AQP10: variants seen among roughly 807,000 people sequenced by gnomAD.
The protein encoded by AQP10 is aquaporin-10.
In AQP10, 15 loss-of-function variants were observed where a neutral mutation model predicts 21.0. The ratio of observed to expected loss-of-function variants is 0.71; its 90% CI spans 0.48 to 1.10. The LOEUF is 1.10. Among genes scored for constraint, AQP10 ranks in the 50% least tolerant of loss-of-function variants. The pLI is 0.00. For synonymous variants in AQP10, 143 were observed against 155.7 expected (o/e 0.92, Z 0.61); for missense variants, 268 against 379.5 (o/e 0.71, Z 2.44).
intron 1 of AQP10, among the ~76,000 whole-genome samples, 154 bp downstream of exon 1, chr1:154,321,414 C>A (rs1278814218): frequency 6.6e-6 from 1 of 152,120 alleles, no homozygotes; most frequent in East Asian, 1.9e-4. Flanking sequence ...ATCTCCTTTC[C>A]TCTCCTACTT....
chr1:154,321,787 T>C (rs539291401), intron 1 of AQP10, 146 bp from the exon 2 acceptor site: 7 of 1,049,580 alleles, frequency 6.7e-6, no homozygotes, highest in Middle Eastern at 3.2e-4. Context: ...TCCCCATTTC[T>C]TTTCCCTTCC....
chr1:154,322,491 T>TCTTC lies in AQP10; in HGVS notation c.232+432_232+433insCTTC, dbSNP rs1553294330. 5.7e-3 allele frequency among the ~76,000 whole-genome samples: 516 copies of TCTTC among 90,312 alleles called. 3 individuals are homozygous for TCTTC. The highest frequency in any genetic ancestry group is 0.021 in the African/African-American group (475 of 22,814). 59.2% of individuals were successfully genotyped at this position (90,312 alleles called of 152,430 possible). A position where few individuals can be genotyped will look rare whatever the true frequency, so the allele number is the denominator to read the frequency against. ...CTTTGGATTCACAGTGTCTTCTTCT[T>TCTTC]TTTTTTTTTTTTTTTTCTTTTTTTT... On this transcript the variant is annotated intron_variant, in intron 2 of 5. Coordinates refer to ENST00000324978, the MANE Select transcript of AQP10 (RefSeq NM_080429.3).
chr1:154,323,811 G>A lies in AQP10; in HGVS notation c.707+5G>A. The stretch of plus-strand genomic sequence containing the variant: ...CTGGGGTCCTGAAGTCTTCAGGTGG[G>A]AGACAGACTCTCCTGGTGCTGGCCT... On this transcript the variant is annotated splice_donor_5th_base_variant and intron_variant, in intron 5 of 5. Transcript: ENST00000324978. This position sits in a 1 kb window ranked among gnomAD's most constrained non-coding sequence, Gnocchi z 4.5. The A allele has an allele frequency of 6.2e-7, 1 of 1,613,680 alleles. No individual in the cohort carries two copies. Among genetic ancestry groups the A allele is most frequent in the Non-Finnish European group, 8.5e-7 (1 of 1,179,746 alleles).
In AQP10 at chr1:154,323,516, A is replaced by G. The variant is rs1441981856; in HGVS notation, c.490-73A>G. On this transcript the variant is annotated intron_variant, in intron 4 of 5. Coordinates refer to ENST00000324978, the MANE Select transcript of AQP10 (RefSeq NM_080429.3). The surrounding 1 kb of genome is among the most constrained non-coding windows in gnomAD (Gnocchi z 4.5). ...GTTGCACAAAGCCAGATGACATGGA[A>G]TATTTGGATGAGAGAGGGCAGATGG... is the stretch of plus-strand genomic sequence containing the variant. 1 of 1,549,856 alleles carries G rather than the reference A, an allele frequency of 6.5e-7. No individual in the cohort carries two copies. Among genetic ancestry groups the G allele is most frequent in the African/African-American group, 1.4e-5 (1 of 73,608 alleles).
chr1:154,323,899 G>T lies in AQP10; in HGVS notation c.707+93G>T, dbSNP rs766259881. 6.5e-7 allele frequency: 1 copy of T among 1,535,546 alleles called. No individual in the cohort carries two copies. The highest frequency in any genetic ancestry group is 2.5e-5 in the East Asian group (1 of 40,788). On this transcript the variant is annotated intron_variant, in intron 5 of 5. Coordinates refer to ENST00000324978, the MANE Select transcript of AQP10 (RefSeq NM_080429.3). This position sits in a 1 kb window ranked among gnomAD's most constrained non-coding sequence, Gnocchi z 4.5. ...TCCACAGCACTCTGCCTTTAAAATA[G>T]CTCTCTTGGCTTCTTAGGACAGTGT...
rs568743248 is a variant in AQP10, at chr1:154,323,539, T to G, written c.490-50T>G. 6.3e-7 allele frequency: 1 copy of G among 1,582,422 alleles called. No individual in the cohort carries two copies. The highest frequency in any genetic ancestry group is 1.3e-5 in the African/African-American group (1 of 74,210). On this transcript the variant is annotated intron_variant, in intron 4 of 5. Transcript: ENST00000324978. This position sits in a 1 kb window ranked among gnomAD's most constrained non-coding sequence, Gnocchi z 4.5. ...GAATATTTGGATGAGAGAGGGCAGA[T>G]GGAGCACCTGGCAGCTGACAGGGAA...
At position 154,325,146 on chromosome 1, in the gene AQP10, A is replaced by AG. The variant is rs1685737096; in HGVS notation, c.*669dup. 6.6e-6 allele frequency: 1 copy of AG among 151,790 alleles called. No individual in the cohort carries two copies. The highest frequency in any genetic ancestry group is 2.4e-5 in the African/African-American group (1 of 41,160). 9.4% of individuals were successfully genotyped at this position (151,790 alleles called of 1,614,324 possible). On this transcript the variant is annotated 3_prime_UTR_variant, in exon 6 of 6. Transcript: ENST00000324978. ...GCGAGGAGGGAGGGTGAAGGAACGGAGGGCGGGCGGCTCCGAGGAGCGAGA... is the reference window on the plus strand; with the variant it reads ...GCGAGGAGGGAGGGTGAAGGAACGGAGGGGCGGGCGGCTCCGAGGAGCGAGA...
intron 5 of AQP10, 145 bp from the exon 6 acceptor site, chr1:154,324,136 GC>G (rs917325472): frequency 7.7e-5 from 85 of 1,105,148 alleles, no homozygotes; most frequent in Middle Eastern, 6.1e-4. Context: ...TAAATACTAT[GC>G]TTTGGTGACA....
chr1:154,324,297 G>A lies in AQP10; in HGVS notation c.723G>A (p.Trp241Ter), dbSNP rs770423797. 1.3e-6 allele frequency: 2 copies of A among 1,554,788 alleles called. No individual in the cohort carries two copies. The highest frequency in any genetic ancestry group is 2.1e-5 in the Admixed American group (1 of 47,262). ...GPEVFSAGNG[W>*]WWVPVVAPLV... is the part of the protein sequence containing the mutation. ...TCTTTTGCAGTGCTGGTAATGGCTG[G>A]TGGTGGGTGCCTGTGGTGGCCCCTC... is the stretch of plus-strand genomic sequence containing the variant. The change falls in exon 6 of 6, where the codon TGG (tryptophan) becomes TGA (stop). Residue 241 changes from tryptophan (W) to a stop codon, truncating the protein, a stop_gained. Coordinates refer to ENST00000324978, the MANE Select transcript of AQP10 (RefSeq NM_080429.3). LOFTEE classifies it low-confidence loss of function (END_TRUNC).
Position 154,323,986 on chromosome 1 carries a change from A to G in AQP10, c.707+180A>G. The G allele has an allele frequency of 2.1e-6, 3 of 1,451,538 alleles. 1 individual carries two copies. Among genetic ancestry groups the G allele is most frequent in the South Asian group, 2.9e-5 (2 of 68,236 alleles). The allele number at this position is 1,451,538 out of a possible 1,614,324, so 89.9% of individuals were successfully genotyped here. A position where few individuals can be genotyped will look rare whatever the true frequency, so the allele number is the denominator to read the frequency against. On this transcript the variant is annotated intron_variant, in intron 5 of 5. Transcript: ENST00000324978. This position sits in a 1 kb window ranked among gnomAD's most constrained non-coding sequence, Gnocchi z 4.5. Reference sequence around the variant, plus strand: ...GCTTCCCTCCCAACTTTTCACTGAAACAGTAAGATTTAGAGGTTGTGTTCT... The same window carrying G: ...GCTTCCCTCCCAACTTTTCACTGAAGCAGTAAGATTTAGAGGTTGTGTTCT...
chr1:154,324,000 A>G lies in AQP10; in HGVS notation c.707+194A>G. ...TTTTCACTGAAACAGTAAGATTTAG[A>G]GGTTGTGTTCTTAGGCATGCCACAT... On this transcript the variant is annotated intron_variant, in intron 5 of 5. Coordinates refer to ENST00000324978, the MANE Select transcript of AQP10 (RefSeq NM_080429.3). This position sits in a 1 kb window ranked among gnomAD's most constrained non-coding sequence, Gnocchi z 4.5. 1 of 1,445,980 alleles carries G rather than the reference A, an allele frequency of 6.9e-7. No individual in the cohort carries two copies. The highest frequency in any genetic ancestry group is 1.5e-5 in the South Asian group (1 of 67,684). The allele number at this position is 1,445,980 out of a possible 1,614,324, so 89.6% of individuals were successfully genotyped here. A position where few individuals can be genotyped will look rare whatever the true frequency, so the allele number is the denominator to read the frequency against.
chr1:154,322,844 C>A, intron 2 of AQP10, 138 bp from the exon 3 acceptor site: 1 of 1,115,798 alleles, frequency 9.0e-7, no homozygotes, highest in Non-Finnish European at 1.3e-6. Context: ...ACATCTGGAG[C>A]CTCAATTTCC....
At position 154,323,372 on chromosome 1, in the gene AQP10, G is replaced by A; in HGVS notation, c.489+13G>A. On this transcript the variant is annotated intron_variant, in intron 4 of 5. Transcript: ENST00000324978. This position sits in a 1 kb window ranked among gnomAD's most constrained non-coding sequence, Gnocchi z 4.5. ...CTTCCTGGATCAGGTAAGTGTGAGG[G>A]GGAGACCTGGGGACACTACTTTGGT... 1 of 1,606,364 alleles carries A rather than the reference G, an allele frequency of 6.2e-7. No individual in the cohort carries two copies.
At position 154,324,550 on chromosome 1, in the gene AQP10, T is replaced by G. The variant is rs770950654; in HGVS notation, c.*70T>G. ...TGACCCCGCCTGGGAACAACAGTCATTCTTCCTCTTTGTTAATGTGCCAGA... is the reference window on the plus strand; with the variant it reads ...TGACCCCGCCTGGGAACAACAGTCAGTCTTCCTCTTTGTTAATGTGCCAGA... On this transcript the variant is annotated 3_prime_UTR_variant, in exon 6 of 6. Transcript: ENST00000324978. 1.3e-5 allele frequency: 20 copies of G among 1,487,448 alleles called. No individual in the cohort carries two copies. The highest frequency in any genetic ancestry group is 2.8e-5 in the African/African-American group (2 of 71,128). 92.1% of individuals were successfully genotyped at this position (1,487,448 alleles called of 1,614,324 possible).
At position 154,323,136 on chromosome 1, in the gene AQP10, A is replaced by C. The variant is rs775705453; in HGVS notation, c.370+17A>C. On this transcript the variant is annotated intron_variant, in intron 3 of 5. Coordinates refer to ENST00000324978, the MANE Select transcript of AQP10 (RefSeq NM_080429.3). The surrounding 1 kb of genome is among the most constrained non-coding windows in gnomAD (Gnocchi z 4.5). ...TCTACCATGGTGACAGAGGGAACAG[A>C]GGGAGCTGTGCCTTGAGAGCACCTG... is the stretch of plus-strand genomic sequence containing the variant. 5.0e-6 allele frequency: 8 copies of C among 1,614,120 alleles called. No individual in the cohort carries two copies. Among genetic ancestry groups the C allele is most frequent in the Non-Finnish European group, 5.9e-6 (7 of 1,179,984 alleles).
In AQP10 at chr1:154,324,484, G is replaced by A. The variant is rs1360740795; in HGVS notation, c.*4G>A. On this transcript the variant is annotated 3_prime_UTR_variant, in exon 6 of 6. Coordinates refer to ENST00000324978, the MANE Select transcript of AQP10 (RefSeq NM_080429.3). ...GATGCTGGAGTGTAAGCTATGATTA[G>A]GACAACCCTCACTTCACTCATGGAC... The A allele has an allele frequency of 3.7e-6, 6 of 1,612,126 alleles. No homozygotes were observed. Among genetic ancestry groups the A allele is most frequent in the African/African-American group, 2.7e-5 (2 of 74,864 alleles).
rs1290334904 is a variant in AQP10 at position 154,323,223 on chromosome 1, T to A, written c.371-18T>A. 13 of 1,613,192 alleles carry A rather than the reference T, an allele frequency of 8.1e-6. 1 individual carries two copies. Among genetic ancestry groups the A allele is most frequent in the Middle Eastern group, 1.6e-4 (1 of 6,082 alleles). ...AATGAGCAAAGAGGGAAATCCTGGGTGTTCCCTTCCTCCACAGATGCCCTA... is the reference window on the plus strand; with the variant it reads ...AATGAGCAAAGAGGGAAATCCTGGGAGTTCCCTTCCTCCACAGATGCCCTA... On this transcript the variant is annotated intron_variant, in intron 3 of 5. Transcript: ENST00000324978. This position sits in a 1 kb window ranked among gnomAD's most constrained non-coding sequence, Gnocchi z 4.5.
At position 154,323,573 on chromosome 1, in the gene AQP10, C is replaced by T; in HGVS notation, c.490-16C>T. 6.2e-7 allele frequency: 1 copy of T among 1,608,312 alleles called. No individual in the cohort carries two copies. Among genetic ancestry groups the T allele is most frequent in the Non-Finnish European group, 8.5e-7 (1 of 1,175,374 alleles). On this transcript the variant is annotated splice_polypyrimidine_tract_variant and intron_variant, in intron 4 of 5. Transcript: ENST00000324978. The surrounding 1 kb of genome is among the most constrained non-coding windows in gnomAD (Gnocchi z 4.5). ...TGGCAGCTGACAGGGAACCCTCTGC[C>T]TCTGTTGACTCCAAGGTTCTGGGCA... is the stretch of plus-strand genomic sequence containing the variant.
chr1:154,321,257 C>T lies in AQP10; in HGVS notation c.102C>T (p.Leu34=). 1 of 1,612,084 alleles carries T rather than the reference C, an allele frequency of 6.2e-7. No individual in the cohort carries two copies. Among genetic ancestry groups the T allele is most frequent in the Non-Finnish European group, 8.5e-7 (1 of 1,179,074 alleles). ...CLAEFLGVFV[L]MLLTQGAVAQ... ...CAGAGTTTCTGGGTGTGTTTGTACTCATGGTAGGTAGGATCACTGCGGGAA... is the reference window on the plus strand; with the variant it reads ...CAGAGTTTCTGGGTGTGTTTGTACTTATGGTAGGTAGGATCACTGCGGGAA... Residue 34 remains leucine (L), a synonymous_variant, in exon 1 of 6, where the codon CTC becomes CTT. Coordinates refer to ENST00000324978, the MANE Select transcript of AQP10 (RefSeq NM_080429.3).
Sources: gnomAD v4.1 joint callset for allele counts (sites outside exome capture counted in the v4.1 genomes callset) on GRCh38, gnomAD v4.1.1 for gene constraint, Gnocchi (gnomAD v3.1) non-coding constraint, MANE v1.5 for transcripts, NCBI Gene and HGNC (gene_info 2026-07-23, HGNC 2026-07-21) for gene names.